Variants in HECW1 observed in about 807,000 individuals in gnomAD.
HECW1 encodes HECT, C2 and WW domain containing E3 ubiquitin protein ligase 1, also known as E3 ubiquitin-protein ligase HECW1.
A neutral mutation model predicts 182.3 loss-of-function variants in HECW1; 61 were observed. The observed-to-expected ratio is 0.33, with a 90% confidence interval of 0.27 to 0.41. HECW1 has a LOEUF of 0.41. Among genes scored for constraint, HECW1 ranks in the 10% least tolerant of loss-of-function variants. The pLI is 1.00. For synonymous variants in HECW1, 859 were observed against 832.6 expected (o/e 1.03, Z -0.55); for missense variants, 1,739 against 2,108.9 (o/e 0.82, Z 3.44).
intron 5 of HECW1, among the ~76,000 whole-genome samples, chr7:43,350,777 A>G (rs1295772457): frequency 2.6e-5 from 4 of 151,804 alleles, no homozygotes; most frequent in Admixed American, 2.6e-4. Flanking sequence ...TTCTTGTATC[A>G]TTTTTTGGAT....
chr7:43,185,098 C>T (rs996698533), intron 2 of HECW1, among the ~76,000 whole-genome samples: 2 of 152,078 alleles, frequency 1.3e-5, no homozygotes, highest in Non-Finnish European at 2.9e-5. Flanking sequence ...GATGCAAACC[C>T]TATCAATGCC....
At chr7:43,265,716 G>A (rs1347212339) in intron 3 of HECW1, among the ~76,000 whole-genome samples, 1 of 152,252 alleles carries the variant, frequency 6.6e-6, no homozygotes, top group East Asian at 1.9e-4. Context: ...AAATCCTACA[G>A]GTTAAAGGCA....
At chr7:43,224,915 C>T (rs1797289535) in intron 2 of HECW1, among the ~76,000 whole-genome samples, 1 of 152,038 alleles carries the variant, frequency 6.6e-6, no homozygotes, top group African/African-American at 2.4e-5. Flanking sequence ...CTGGGAGAGG[C>T]CTGGAAAAAG....
chr7:43,417,923 T>A (rs6954616), intron 8 of HECW1, among the ~76,000 whole-genome samples: 49,177 of 152,060 alleles, frequency 0.32, 8,569 homozygotes, highest in Middle Eastern at 0.47. Context: ...GTCCCACAAA[T>A]TGAGTGGCTT....
At chr7:43,293,219 C>CAA (rs34748611) in intron 3 of HECW1, among the ~76,000 whole-genome samples, 21,504 of 76,346 alleles carry the variant, frequency 0.28, 4,051 homozygotes, top group East Asian at 0.53. Context: ...GACTATGTCT[C>CAA]AAAAAAAAAA....
Position 43,313,440 on chromosome 7 carries a change from T to A in HECW1, c.352+1353T>A, listed in dbSNP as rs570749089. 7.3e-5 allele frequency among the ~76,000 whole-genome samples: 11 copies of A among 151,350 alleles called. 1 individual carries two copies. In the South Asian group the frequency reaches 2.3e-3, roughly 32 times the overall value. ...GCAACCTCTGCCTCCCGGGTTCAAG[T>A]GATTCTCCTGCCTCAGCCTCCCAAG... On this transcript the variant is annotated intron_variant, in intron 4 of 29. Transcript: ENST00000395891.
chr7:43,267,924 T>C (rs1028037036), intron 3 of HECW1, among the ~76,000 whole-genome samples: 4 of 152,210 alleles, frequency 2.6e-5, no homozygotes, highest in Non-Finnish European at 4.4e-5. Context: ...TAATTTTTAA[T>C]GAAGTTTTCA....
chr7:43,492,221 G>A lies in HECW1; in HGVS notation c.3340+41G>A, dbSNP rs567583954. 2.0e-4 allele frequency: 264 copies of A among 1,353,574 alleles called. 4 individuals are homozygous for A. In the South Asian group the frequency reaches 2.5e-3, roughly 13 times the overall value. 83.8% of individuals were successfully genotyped at this position (1,353,574 alleles called of 1,614,324 possible). A position where few individuals can be genotyped will look rare whatever the true frequency, so the allele number is the denominator to read the frequency against. On this transcript the variant is annotated intron_variant, in intron 18 of 29. Coordinates refer to ENST00000395891, the MANE Select transcript of HECW1 (RefSeq NM_015052.5). ...GTTTGAGCCCCTGGCTCAAAGAATAGCAACACCTAGACTTGATTTTTTGTT... is the reference window on the plus strand; with the variant it reads ...GTTTGAGCCCCTGGCTCAAAGAATAACAACACCTAGACTTGATTTTTTGTT...
rs879430765 is a variant in HECW1 at position 43,326,826 on chromosome 7, G to A, written c.460+6084G>A. 3.9e-5 allele frequency among the ~76,000 whole-genome samples: 6 copies of A among 152,336 alleles called. No individual in the cohort carries two copies. In the South Asian group the frequency reaches 6.2e-4, roughly 16 times the overall value. ...GGAAAAGCAGGGCTCCAGGGGAGCCGGTGGCCTTCTCTCCCTTGACATTCA... is the reference window on the plus strand; with the variant it reads ...GGAAAAGCAGGGCTCCAGGGGAGCCAGTGGCCTTCTCTCCCTTGACATTCA... On this transcript the variant is annotated intron_variant, in intron 5 of 29. Coordinates refer to ENST00000395891, the MANE Select transcript of HECW1 (RefSeq NM_015052.5).
At position 43,389,262 on chromosome 7, in the gene HECW1, G is replaced by A. The variant is rs367966826; in HGVS notation, c.556-7552G>A. 1.5e-4 allele frequency among the ~76,000 whole-genome samples: 23 copies of A among 152,292 alleles called. No homozygotes were observed. In the East Asian group the frequency reaches 1.5e-3, roughly 10 times the overall value. On this transcript the variant is annotated intron_variant, in intron 6 of 29. Transcript: ENST00000395891. The stretch of plus-strand genomic sequence containing the variant: ...TGGTCCCTCCACCGCCAGCGTCAGC[G>A]TCACCTGGGAACTTGTTAGCAATTC...
At chr7:43,556,611 C>T (rs183030426) in intron 29 of HECW1, among the ~76,000 whole-genome samples, 237 of 151,932 alleles carry the variant, frequency 1.6e-3, no homozygotes, top group African/African-American at 5.2e-3. Context: ...TGACTTGAGC[C>T]CAGGAGGCTG....
intron 3 of HECW1, among the ~76,000 whole-genome samples, chr7:43,300,589 C>T (rs1363024455): frequency 1.3e-5 from 2 of 152,298 alleles, no homozygotes; most frequent in Admixed American, 6.5e-5. Flanking sequence ...GCCTGCTTCA[C>T]TCTTCATCAT....
chr7:43,474,042 G>A (rs965363226), intron 16 of HECW1, among the ~76,000 whole-genome samples: 37 of 152,174 alleles, frequency 2.4e-4, no homozygotes, highest in East Asian at 3.8e-4. Context: ...ACATACCTAA[G>A]AGGTGATTTA....
At chr7:43,238,244 C>T (rs1798565182) in intron 2 of HECW1, among the ~76,000 whole-genome samples, 1 of 152,122 alleles carries the variant, frequency 6.6e-6, no homozygotes, top group African/African-American at 2.4e-5. Context: ...GGAGGGATGG[C>T]ACTGGTGGGG....
chr7:43,422,000 T>C (rs1344551072), intron 8 of HECW1, among the ~76,000 whole-genome samples: 5 of 152,146 alleles, frequency 3.3e-5, no homozygotes, highest in Non-Finnish European at 5.9e-5. Flanking sequence ...CCTTTGCTTA[T>C]CTCCCTACAG....
At chr7:43,195,510 T>C (rs1794376015) in intron 2 of HECW1, among the ~76,000 whole-genome samples, 1 of 152,132 alleles carries the variant, frequency 6.6e-6, no homozygotes, top group Admixed American at 6.5e-5. Context: ...CCACGCCTCT[T>C]ATGTTACTGC....
At chr7:43,324,314 G>C (rs1810510840) in intron 5 of HECW1, among the ~76,000 whole-genome samples, 1 of 152,128 alleles carries the variant, frequency 6.6e-6, no homozygotes, top group South Asian at 2.1e-4. Flanking sequence ...CAAATGATTA[G>C]AGTATTAACT....
At chr7:43,295,951 A>G (rs1032119201) in intron 3 of HECW1, among the ~76,000 whole-genome samples, 1 of 152,230 alleles carries the variant, frequency 6.6e-6, no homozygotes. Flanking sequence ...TTTGACTTAG[A>G]TATTTTCATT....
chr7:43,312,808 T>C (rs546819113), intron 4 of HECW1, among the ~76,000 whole-genome samples: 1 of 152,330 alleles, frequency 6.6e-6, no homozygotes, highest in South Asian at 2.1e-4. Context: ...AAATGAAAAA[T>C]GTATTTCATC....
Sources: gnomAD v4.1 joint callset for allele counts (sites outside exome capture counted in the v4.1 genomes callset) on GRCh38, gnomAD v4.1.1 for gene constraint, MANE v1.5 for transcripts, NCBI Gene and HGNC (gene_info 2026-07-23, HGNC 2026-07-21) for gene names.